The following SLC8A1 variants were observed in gnomAD, a reference collection of about 807,000 sequenced individuals.
SLC8A1 encodes sodium/calcium exchanger 1.
Under a neutral mutation model 68.3 loss-of-function variants are expected in SLC8A1, and 18 were observed. The observed-to-expected ratio is 0.26, with a 90% CI of 0.18 to 0.39. The LOEUF (loss-of-function observed/expected upper bound fraction) is 0.39. Ranked by LOEUF, SLC8A1 falls within the 10% of genes least tolerant of loss-of-function variation. The pLI, the probability that SLC8A1 is intolerant of heterozygous loss-of-function variation, is 1.00. For missense variants in SLC8A1, 985 were observed against 1,156.7 expected (o/e 0.85, Z 2.15); for synonymous variants, 475 against 415.5 (o/e 1.14, Z -1.74).
upstream of SLC8A1, chr2:40,453,446 G>A (rs1295041985): frequency 6.6e-6 from 1 of 152,116 alleles, no homozygotes; most frequent in Non-Finnish European, 1.5e-5. Flanking sequence ...GATAGATTCT[G>A]ACTCCAGGAA....
intron 2 of SLC8A1, among the ~76,000 whole-genome samples, chr2:40,374,509 T>G (rs1371151977): frequency 6.6e-6 from 1 of 152,066 alleles, no homozygotes. Flanking sequence ...CTGTACATTT[T>G]GCATAGGGGT....
chr2:40,277,163 G>T (rs1222606937), intron 2 of SLC8A1, among the ~76,000 whole-genome samples: 1 of 151,862 alleles, frequency 6.6e-6, no homozygotes, highest in Non-Finnish European at 1.5e-5. Context: ...ATATTTACAT[G>T]GTATGGTTAT....
At chr2:40,165,355 G>A (rs377501493) in intron 4 of SLC8A1, among the ~76,000 whole-genome samples, 3 of 152,266 alleles carry the variant, frequency 2.0e-5, no homozygotes, top group East Asian at 3.9e-4. Context: ...CTTTCAGCAC[G>A]TGACCAAAGG....
At chr2:40,361,047 T>C (rs911805219) in intron 2 of SLC8A1, among the ~76,000 whole-genome samples, 1 of 152,122 alleles carries the variant, frequency 6.6e-6, no homozygotes, top group African/African-American at 2.4e-5. Context: ...GAAGCTATCA[T>C]TTGTCTATGG....
chr2:40,395,265 G>A (rs573694249), intron 2 of SLC8A1, among the ~76,000 whole-genome samples: 50 of 152,184 alleles, frequency 3.3e-4, no homozygotes, highest in African/African-American at 1.1e-3. Context: ...TAAAAAGTCC[G>A]GCCTGAGTCT....
intron 6 of SLC8A1, among the ~76,000 whole-genome samples, chr2:40,158,243 A>G (rs552002509): frequency 3.3e-5 from 5 of 152,338 alleles, no homozygotes; most frequent in African/African-American, 9.6e-5. Flanking sequence ...ATGCTGCTTT[A>G]CAAATTTTAT....
At chr2:40,111,224 G>C (rs1357129255) in exon 8 of SLC8A1, 1 of 152,128 alleles carries the variant, frequency 6.6e-6, no homozygotes, top group African/African-American at 2.4e-5. Flanking sequence ...ATTAAAATTT[G>C]CTTGTAAGAA....
chr2:40,387,936 C>CAAAAAAAAAAAAAAAAAAAAAA (rs57394425), intron 2 of SLC8A1, among the ~76,000 whole-genome samples: 2 of 90,942 alleles, frequency 2.2e-5, no homozygotes, highest in African/African-American at 9.6e-5. Context: ...GAGACTGCCT[C>CAAAAAAAAAAAAAAAAAAAAAA]AAAAAAAAAA....
intron 2 of SLC8A1, among the ~76,000 whole-genome samples, chr2:40,341,669 A>T (rs1667735255): frequency 1.3e-5 from 2 of 152,188 alleles, no homozygotes; most frequent in South Asian, 4.1e-4. Context: ...AATTGCAGTT[A>T]ATGTACCTGC....
At chr2:40,217,700 G>A (rs186944716) in intron 2 of SLC8A1, among the ~76,000 whole-genome samples, 2 of 152,286 alleles carry the variant, frequency 1.3e-5, no homozygotes, top group East Asian at 1.9e-4. Flanking sequence ...ATAAGAAGGT[G>A]AGGCTTTGCT....
At chr2:40,281,072 G>C (rs759692769) in intron 2 of SLC8A1, among the ~76,000 whole-genome samples, 9 of 152,228 alleles carry the variant, frequency 5.9e-5, no homozygotes, top group Admixed American at 3.3e-4. Flanking sequence ...GCTTAGTTTT[G>C]ATGGAATGAG....
chr2:40,439,170 A>G (rs116272036), intron 1 of SLC8A1, among the ~76,000 whole-genome samples: 29 of 152,030 alleles, frequency 1.9e-4, no homozygotes, highest in African/African-American at 7.0e-4. Context: ...AGATTAAAGC[A>G]CTGGAGGTAA....
At chr2:40,270,596 G>T (rs1410782623) in intron 2 of SLC8A1, among the ~76,000 whole-genome samples, 2 of 152,138 alleles carry the variant, frequency 1.3e-5, no homozygotes. Flanking sequence ...CTCTACCCAG[G>T]AAAAGCATTC....
chr2:40,168,093 T>C (rs1375268025), intron 4 of SLC8A1, among the ~76,000 whole-genome samples: 2 of 152,144 alleles, frequency 1.3e-5, no homozygotes, highest in Non-Finnish European at 1.5e-5. Flanking sequence ...TTGTACTCCA[T>C]ACCATGTCAG....
intron 2 of SLC8A1, among the ~76,000 whole-genome samples, chr2:40,415,606 G>A (rs1693564402): frequency 6.6e-6 from 1 of 152,088 alleles, no homozygotes; most frequent in African/African-American, 2.4e-5. Context: ...TAGGATGTGG[G>A]TAGGTAAAGC....
chr2:40,495,428 A>G (rs2149929648), intron 1 of SLC8A1, among the ~76,000 whole-genome samples: 1 of 152,212 alleles, frequency 6.6e-6, no homozygotes, highest in South Asian at 2.1e-4. Context: ...ACAAACTCTT[A>G]GAGTGTTTTT....
At chr2:40,307,994 T>C (rs1012847036) in intron 2 of SLC8A1, among the ~76,000 whole-genome samples, 4 of 151,338 alleles carry the variant, frequency 2.6e-5, no homozygotes, top group Non-Finnish European at 5.9e-5. Flanking sequence ...AATAAATAAA[T>C]GAAATACTGA....
chr2:40,360,956 A>G (rs1674433103), intron 2 of SLC8A1, among the ~76,000 whole-genome samples: 1 of 152,136 alleles, frequency 6.6e-6, no homozygotes, highest in Non-Finnish European at 1.5e-5. Context: ...AATGAGCACA[A>G]AAAGAGCCTG....
chr2:40,435,635 A>G (rs1699246823), intron 1 of SLC8A1, among the ~76,000 whole-genome samples: 1 of 152,190 alleles, frequency 6.6e-6, no homozygotes, highest in African/African-American at 2.4e-5. Flanking sequence ...CAGGAAATGA[A>G]GAAACTAGGG....
Sources: allele counts gnomAD v4.1 joint callset (sites outside exome capture counted in the v4.1 genomes callset), GRCh38; gene constraint gnomAD v4.1.1; transcripts MANE v1.5; gene names NCBI Gene and HGNC (gene_info 2026-07-23, HGNC 2026-07-21).